ADGRL2: variants seen among roughly 807,000 people sequenced by gnomAD.
ADGRL2 encodes adhesion G protein-coupled receptor L2.
Under a neutral mutation model 157.4 loss-of-function variants are expected in ADGRL2, and 44 were observed. The ratio of observed to expected loss-of-function variants is 0.28; its 90% CI spans 0.22 to 0.36. The LOEUF (loss-of-function observed/expected upper bound fraction) is 0.36. ADGRL2 is among the 10% of genes least tolerant of loss of function. The probability of loss-of-function intolerance (pLI) is 1.00; values close to 1 mark genes in which losing one functional copy is unlikely to be tolerated. For synonymous variants in ADGRL2, 585 were observed against 624.7 expected (o/e 0.94, Z 0.95); for missense variants, 1,510 against 1,768.9 (o/e 0.85, Z 2.63).
At chr1:81,658,579 C>T (rs1164746892) in intron 3 of ADGRL2, among the ~76,000 whole-genome samples, 1 of 152,182 alleles carries the variant, frequency 6.6e-6, no homozygotes, top group Non-Finnish European at 1.5e-5. Context: ...CCTTCCCACA[C>T]TTCTGAGTCT....
Position 81,712,834 on chromosome 1 carries a change from C to T in ADGRL2, c.-143+13026C>T, listed in dbSNP as rs1371018040. 2.7e-5 allele frequency among the ~76,000 whole-genome samples: 4 copies of T among 145,478 alleles called. No homozygotes were observed. In the Admixed American group the frequency reaches 2.8e-4, roughly 10 times the overall value. ...CTGGAGTGCAGTGGCATGATCTCAG[C>T]TCACTGCAGCCTCCACCTCCCGGGT... On this transcript the variant is annotated intron_variant, in intron 1 of 20. Transcript: ENST00000359929.
At chr1:81,506,561 T>C (rs1349162456) in intron 2 of ADGRL2, among the ~76,000 whole-genome samples, 1 of 151,864 alleles carries the variant, frequency 6.6e-6, no homozygotes, top group Non-Finnish European at 1.5e-5. Context: ...AATTAAAAAA[T>C]TAGCCAGGTG....
intron 2 of ADGRL2, among the ~76,000 whole-genome samples, chr1:81,839,291 A>G (rs901315029): frequency 1.3e-5 from 2 of 151,926 alleles, no homozygotes; most frequent in Non-Finnish European, 2.9e-5. Context: ...CTTTTTCCTC[A>G]TTTATTGAGT....
chr1:81,523,508 T>A (rs941169777), intron 2 of ADGRL2, among the ~76,000 whole-genome samples: 6 of 152,132 alleles, frequency 3.9e-5, no homozygotes, highest in Non-Finnish European at 8.8e-5. Flanking sequence ...CAATATTTTT[T>A]AAAATAACCC....
intron 1 of ADGRL2, among the ~76,000 whole-genome samples, chr1:81,826,044 T>G (rs1253783537): frequency 6.6e-6 from 1 of 152,180 alleles, no homozygotes; most frequent in Non-Finnish European, 1.5e-5. Flanking sequence ...ATGAAGTACC[T>G]TTTGTATTGA....
chr1:81,336,909 A>C (rs553029811), intron 1 of ADGRL2, among the ~76,000 whole-genome samples: 2 of 152,232 alleles, frequency 1.3e-5, no homozygotes, highest in African/African-American at 4.8e-5. Context: ...CCCAGGCTCC[A>C]CTGGCAGAGG....
intron 1 of ADGRL2, among the ~76,000 whole-genome samples, chr1:81,329,263 CA>C (rs779844000): frequency 1.3e-5 from 2 of 152,096 alleles, no homozygotes; most frequent in Non-Finnish European, 2.9e-5. Flanking sequence ...CATCATACTG[CA>C]TTCTTCTCAG....
chr1:81,402,378 A>G (rs767187296), intron 1 of ADGRL2, among the ~76,000 whole-genome samples: 2 of 152,168 alleles, frequency 1.3e-5, no homozygotes, highest in Non-Finnish European at 2.9e-5. Context: ...TTCCGTGATT[A>G]ATCACATACA....
chr1:81,524,243 G>C (rs2079397923), intron 2 of ADGRL2, among the ~76,000 whole-genome samples: 1 of 151,460 alleles, frequency 6.6e-6, no homozygotes, highest in South Asian at 2.1e-4. Context: ...ACGGGCGCCT[G>C]TAGTCCCAGC....
chr1:81,658,576 A>G (rs180727499), intron 3 of ADGRL2, among the ~76,000 whole-genome samples: 27 of 151,966 alleles, frequency 1.8e-4, no homozygotes, highest in African/African-American at 6.5e-4. Flanking sequence ...CCACCTTCCC[A>G]CACTTCTGAG....
At chr1:81,367,847 C>A (rs1448344071) in intron 1 of ADGRL2, among the ~76,000 whole-genome samples, 1 of 152,110 alleles carries the variant, frequency 6.6e-6, no homozygotes, top group African/African-American at 2.4e-5. Context: ...CCACCAAGCC[C>A]AGCCTGATCT....
At chr1:81,659,168 T>A (rs749913006) in intron 3 of ADGRL2, among the ~76,000 whole-genome samples, 5 of 150,686 alleles carry the variant, frequency 3.3e-5, no homozygotes, top group African/African-American at 4.9e-5. Context: ...TTCACGTGAT[T>A]CTCCTGTCTC....
chr1:81,748,364 G>A (rs1381826448), intron 1 of ADGRL2, among the ~76,000 whole-genome samples: 1 of 150,814 alleles, frequency 6.6e-6, no homozygotes, highest in African/African-American at 2.4e-5. Context: ...AGCTACTCGG[G>A]AGGCTGAGGA....
chr1:81,948,955 A>C (rs977245901), intron 6 of ADGRL2, among the ~76,000 whole-genome samples: 1 of 152,240 alleles, frequency 6.6e-6, no homozygotes, highest in African/African-American at 2.4e-5. Context: ...GTCAGAATTA[A>C]TAAAGAAAGA....
chr1:81,356,989 T>A (rs953737551), intron 1 of ADGRL2, among the ~76,000 whole-genome samples: 1 of 140,660 alleles, frequency 7.1e-6, no homozygotes, highest in Admixed American at 7.0e-5. Context: ...TGTTTCCTTT[T>A]AAAGCTCATT....
At chr1:81,923,929 C>CAA (rs2148650524) in intron 3 of ADGRL2, among the ~76,000 whole-genome samples, 1 of 152,214 alleles carries the variant, frequency 6.6e-6, no homozygotes, top group Non-Finnish European at 1.5e-5. Context: ...TAATTCTAGA[C>CAA]ATGGAAAATA....
chr1:81,721,690 A>G, intron 1 of ADGRL2: 1 of 1,301,826 alleles, frequency 7.7e-7, no homozygotes, highest in African/African-American at 1.5e-5. Flanking sequence ...CTGCTTCCTG[A>G]CCATGGACCC....
chr1:81,984,619 T>C lies in ADGRL2; in HGVS notation c.3319T>C (p.Tyr1107His). 6.2e-7 allele frequency: 1 copy of C among 1,612,486 alleles called. No homozygotes were observed. Among genetic ancestry groups the C allele is most frequent in the South Asian group, 1.1e-5 (1 of 90,992 alleles). Residue 1107 changes from tyrosine to histidine, a missense_variant, in exon 20 of 24, where the codon TAC becomes CAC. Physicochemically the swap from Tyr to His is moderately conservative, Grantham distance 83. Coordinates refer to ENST00000686636, the MANE Select transcript of ADGRL2 (RefSeq NM_001366006.2). ...ATATGGCAAGTGCTTCAGACACTCA[T>C]ACTGCTGTGGAGGCCTCCCAACTGA... ...KEYGKCFRHS[Y>H]CCGGLPTESP...
At chr1:81,461,557 G>A (rs1186554068) in intron 2 of ADGRL2, among the ~76,000 whole-genome samples, 1 of 152,052 alleles carries the variant, frequency 6.6e-6, no homozygotes, top group East Asian at 1.9e-4. Context: ...TTGTTGCTTG[G>A]GGTAGGTAGT....
Sources: allele counts gnomAD v4.1 joint callset (sites outside exome capture counted in the v4.1 genomes callset), GRCh38; gene constraint gnomAD v4.1.1; transcripts MANE v1.5; gene names NCBI Gene and HGNC (gene_info 2026-07-23, HGNC 2026-07-21).